Variants in MECOM observed in about 807,000 individuals in gnomAD.
MECOM encodes MDS1 and EVI1 complex locus.
In MECOM, 13 loss-of-function variants were observed where a neutral mutation model predicts 116.3. The observed-to-expected ratio is 0.11, with a 90% CI of 0.07 to 0.18. MECOM has a LOEUF of 0.18. MECOM is among the 10% of genes least tolerant of loss of function. The pLI, the probability that MECOM is intolerant of heterozygous loss-of-function variation, is 1.00. For synonymous variants in MECOM, 528 were observed against 535.2 expected (o/e 0.99, Z 0.19); for missense variants, 1,299 against 1,509.0 (o/e 0.86, Z 2.31).
intron 1 of MECOM, among the ~76,000 whole-genome samples, chr3:169,629,204 A>T (rs2109954805): frequency 6.6e-6 from 1 of 150,778 alleles, no homozygotes; most frequent in Non-Finnish European, 1.5e-5. Flanking sequence ...TATATTTATG[A>T]TGTTTACATA....
chr3:169,108,863 TA>T (rs1278853045), intron 9 of MECOM, among the ~76,000 whole-genome samples: 1 of 152,006 alleles, frequency 6.6e-6, no homozygotes, highest in African/African-American at 2.4e-5. Flanking sequence ...TCAGCCAATT[TA>T]AAAGAAAGAA....
chr3:169,149,038 T>G (rs1157466798), intron 2 of MECOM, among the ~76,000 whole-genome samples: 10 of 151,950 alleles, frequency 6.6e-5, no homozygotes, highest in African/African-American at 2.4e-4. Flanking sequence ...TGGCCATTGA[T>G]TTCCTGCCCT....
At position 169,378,419 on chromosome 3, in the gene MECOM, A is replaced by AAGAAAG. The variant is rs1731481902; in HGVS notation, c.375+2762_375+2767dup. On this transcript the variant is annotated intron_variant, in intron 2 of 16. Transcript: ENST00000651503. ...AAAGAAAGAAAGAAAGAAAGAAAGA[A>AAGAAAG]AGAAAGAAAGAAAGAAAGAAAGAAA... is the stretch of plus-strand genomic sequence containing the variant. 2.9e-5 allele frequency among the ~76,000 whole-genome samples: 2 copies of AAGAAAG among 69,106 alleles called. 1 individual carries two copies. Among genetic ancestry groups the AAGAAAG allele is most frequent in the African/African-American group, 2.1e-4 (2 of 9,474 alleles). 45.3% of individuals were successfully genotyped at this position (69,106 alleles called of 152,430 possible). A position where few individuals can be genotyped will look rare whatever the true frequency, so the allele number is the denominator to read the frequency against.
intron 2 of MECOM, among the ~76,000 whole-genome samples, chr3:169,185,942 C>A (rs367807682): frequency 5.3e-5 from 8 of 152,142 alleles, no homozygotes; most frequent in African/African-American, 1.9e-4. Context: ...GACTATACAT[C>A]ATTTTCTGCT....
At chr3:169,635,347 T>C (rs1772602289) in intron 1 of MECOM, among the ~76,000 whole-genome samples, 1 of 152,222 alleles carries the variant, frequency 6.6e-6, no homozygotes, top group African/African-American at 2.4e-5. Flanking sequence ...TTCCTTAGTT[T>C]ATAAGCCATG....
intron 1 of MECOM, among the ~76,000 whole-genome samples, chr3:169,434,084 AGTTT>A (rs1428308017): frequency 6.6e-6 from 1 of 152,200 alleles, no homozygotes; most frequent in African/African-American, 2.4e-5. Flanking sequence ...TTTCAAATTT[AGTTT>A]ATTTAGATAA....
At chr3:169,089,869 A>G (rs1719088987) in intron 15 of MECOM, 131 bp downstream of exon 15, 1 of 1,383,120 alleles carries the variant, frequency 7.2e-7, no homozygotes, top group African/African-American at 1.4e-5. Context: ...AATCTGATCC[A>G]CCATGTATCC....
At chr3:169,544,103 G>T (rs370014951) in intron 1 of MECOM, among the ~76,000 whole-genome samples, 3 of 152,260 alleles carry the variant, frequency 2.0e-5, no homozygotes, top group East Asian at 3.9e-4. Context: ...GGCCAGGCTG[G>T]TCTTGAACTC....
At chr3:169,486,029 A>ATATATATATATGTATATAC (rs1752329397) in intron 1 of MECOM, among the ~76,000 whole-genome samples, 1 of 115,778 alleles carries the variant, frequency 8.6e-6, no homozygotes, top group Non-Finnish European at 1.7e-5. Flanking sequence ...TATATATAGT[A>ATATATATATATGTATATAC]TATATATATA....
At chr3:169,294,455 T>C (rs1369512963) in intron 2 of MECOM, among the ~76,000 whole-genome samples, 1 of 152,010 alleles carries the variant, frequency 6.6e-6, no homozygotes, top group Non-Finnish European at 1.5e-5. Flanking sequence ...ACAAACAAAG[T>C]AAAAATGTTA....
intron 1 of MECOM, among the ~76,000 whole-genome samples, chr3:169,397,847 C>G (rs1409248352): frequency 6.6e-6 from 1 of 152,154 alleles, no homozygotes; most frequent in Admixed American, 6.5e-5. Context: ...TGAGCTTTTA[C>G]CAGGTCATGC....
Position 169,172,200 on chromosome 3 carries a change from G to A in MECOM, c.376-28368C>T, listed in dbSNP as rs114820800. On this transcript the variant is annotated intron_variant, in intron 2 of 16. Coordinates refer to ENST00000651503, the MANE Select transcript of MECOM (RefSeq NM_004991.4). ...TGTAATTCATGTGTAAGAACTGGATGGTAGATGTTTGTATCAAGTAATATA... is the reference window on the plus strand; with the variant it reads ...TGTAATTCATGTGTAAGAACTGGATAGTAGATGTTTGTATCAAGTAATATA... Among the ~76,000 whole-genome samples the A allele has an allele frequency of 4.8e-3, 722 of 151,960 alleles. 11 individuals carry two copies. Among genetic ancestry groups the A allele is most frequent in the African/African-American group, 0.017 (690 of 41,468 alleles).
chr3:169,662,009 T>C (rs9874200), intron 1 of MECOM, among the ~76,000 whole-genome samples: 32,599 of 152,118 alleles, frequency 0.21, 6,452 homozygotes, highest in African/African-American at 0.53. Flanking sequence ...GGGCTCAGTG[T>C]CCCTGAGTCC....
At chr3:169,585,016 A>C (rs1032132484) in intron 1 of MECOM, among the ~76,000 whole-genome samples, 5 of 152,246 alleles carry the variant, frequency 3.3e-5, no homozygotes, top group African/African-American at 9.6e-5. Context: ...ACAGATTATC[A>C]AGCAAGATGA....
At chr3:169,355,050 A>C (rs1279980768) in intron 2 of MECOM, among the ~76,000 whole-genome samples, 2 of 151,978 alleles carry the variant, frequency 1.3e-5, no homozygotes, top group African/African-American at 4.8e-5. Context: ...TTAAAAGAAC[A>C]AAAGAGCTCC....
In MECOM at chr3:169,191,766, G is replaced by GAAAGAAAA. The variant is rs1577305883; in HGVS notation, c.376-47935_376-47934insTTTTCTTT. Among the ~76,000 whole-genome samples the GAAAGAAAA allele has an allele frequency of 9.0e-5, 12 of 133,390 alleles. No homozygotes were observed. In the East Asian group the frequency reaches 3.9e-3, roughly 44 times the overall value. The allele number at this position is 133,390 out of a possible 152,430, so 87.5% of individuals were successfully genotyped here. Reference sequence around the variant, plus strand: ...AGAAAGAAAGAAAGAAAGAAAGAAAGAAAGAAAGAAAGAAAGAAAGAAAGA... The same window carrying GAAAGAAAA: ...AGAAAGAAAGAAAGAAAGAAAGAAAGAAAGAAAAAAAGAAAGAAAGAAAGAAAGAAAGA... On this transcript the variant is annotated intron_variant, in intron 2 of 16. Coordinates refer to ENST00000651503, the MANE Select transcript of MECOM (RefSeq NM_004991.4).
At chr3:169,589,764 G>A (rs1577016600) in intron 1 of MECOM, among the ~76,000 whole-genome samples, 1 of 152,030 alleles carries the variant, frequency 6.6e-6, no homozygotes, top group Non-Finnish European at 1.5e-5. Flanking sequence ...CTGCAATTCC[G>A]ACTCACATAG....
intron 2 of MECOM, among the ~76,000 whole-genome samples, chr3:169,345,498 A>G (rs1020634434): frequency 6.6e-6 from 1 of 152,142 alleles, no homozygotes; most frequent in Admixed American, 6.6e-5. Context: ...TTCAATCACA[A>G]TAGTCAATAG....
intron 1 of MECOM, among the ~76,000 whole-genome samples, chr3:169,405,156 G>A (rs924083875): frequency 6.6e-6 from 1 of 151,850 alleles, no homozygotes. Flanking sequence ...TGGTCAAAAG[G>A]GTTTTTTCTC....
Sources: allele counts gnomAD v4.1 joint callset (sites outside exome capture counted in the v4.1 genomes callset), GRCh38; gene constraint gnomAD v4.1.1; transcripts MANE v1.5; gene names NCBI Gene and HGNC (gene_info 2026-07-23, HGNC 2026-07-21).